MSRA: variants seen among roughly 807,000 people sequenced by gnomAD.
MSRA encodes mitochondrial peptide methionine sulfoxide reductase.
In MSRA, 54 loss-of-function variants were observed where a neutral mutation model predicts 31.3. The observed-to-expected ratio is 1.73, with a 90% CI of 1.39 to 2.17. The LOEUF is 2.17. Among genes scored for constraint, MSRA ranks in the 30% most tolerant of loss-of-function variants. The pLI, the probability that MSRA is intolerant of heterozygous loss-of-function variation, is 0.00. For synonymous variants in MSRA, 169 were observed against 116.5 expected (o/e 1.45, Z -2.90); for missense variants, 507 against 300.9 (o/e 1.69, Z -5.07).
At chr8:10,086,924 A>T (rs1798589160) in intron 1 of MSRA, among the ~76,000 whole-genome samples, 1 of 151,446 alleles carries the variant, frequency 6.6e-6, no homozygotes, top group South Asian at 2.1e-4. Flanking sequence ...GAGGAGAATG[A>T]GAATGAGAAT....
At chr8:10,375,958 G>A (rs1393923287) in intron 5 of MSRA, among the ~76,000 whole-genome samples, 2 of 152,172 alleles carry the variant, frequency 1.3e-5, no homozygotes, top group Non-Finnish European at 2.9e-5. Flanking sequence ...GATGGGGGAG[G>A]AAGGCGTGAT....
chr8:10,088,282 A>G (rs1437170282), intron 1 of MSRA, among the ~76,000 whole-genome samples: 1 of 152,228 alleles, frequency 6.6e-6, no homozygotes, highest in Non-Finnish European at 1.5e-5. Context: ...GAAGGTTCCT[A>G]CAGAAGTTAA....
intron 2 of MSRA, among the ~76,000 whole-genome samples, chr8:10,208,605 G>A (rs985459539): frequency 6.6e-6 from 1 of 151,526 alleles, no homozygotes; most frequent in Non-Finnish European, 1.5e-5. Context: ...CTTCTGTTGG[G>A]CCCATCTCCC....
chr8:10,309,291 C>G (rs2129130737), intron 4 of MSRA, among the ~76,000 whole-genome samples: 1 of 152,382 alleles, frequency 6.6e-6, no homozygotes, highest in African/African-American at 2.4e-5. Context: ...TTTGTGCCTT[C>G]TCAGTGTCGG....
intron 5 of MSRA, among the ~76,000 whole-genome samples, chr8:10,413,675 AGAACTAAGT>A (rs1808291825): frequency 6.6e-6 from 1 of 151,414 alleles, no homozygotes; most frequent in African/African-American, 2.4e-5. Flanking sequence ...AAAAAAAAAA[AGAACTAAGT>A]AGAAATTCAA....
At chr8:10,226,261 C>T (rs967845442) in intron 2 of MSRA, among the ~76,000 whole-genome samples, 1 of 152,230 alleles carries the variant, frequency 6.6e-6, no homozygotes, top group African/African-American at 2.4e-5. Flanking sequence ...AAAGGTTTAA[C>T]TTTCCACTAA....
At chr8:10,309,524 C>T (rs946048743) in intron 4 of MSRA, among the ~76,000 whole-genome samples, 36 of 152,250 alleles carry the variant, frequency 2.4e-4, no homozygotes, top group African/African-American at 7.5e-4. Context: ...GCTTCCTATT[C>T]TTGGTTCACA....
At chr8:10,251,736 C>G (rs908371044) in intron 3 of MSRA, among the ~76,000 whole-genome samples, 1 of 152,112 alleles carries the variant, frequency 6.6e-6, no homozygotes, top group Non-Finnish European at 1.5e-5. Flanking sequence ...TGAATGGACC[C>G]ATTGCCTGAA....
intron 5 of MSRA, among the ~76,000 whole-genome samples, chr8:10,324,354 G>C (rs1802238385): frequency 6.6e-6 from 1 of 152,196 alleles, no homozygotes; most frequent in Admixed American, 6.5e-5. Flanking sequence ...GTGCATTGTA[G>C]AGGGGTGGAG....
At chr8:10,423,574 A>G (rs903630258) in intron 5 of MSRA, among the ~76,000 whole-genome samples, 1 of 152,020 alleles carries the variant, frequency 6.6e-6, no homozygotes, top group African/African-American at 2.4e-5. Flanking sequence ...TTCGTCCCCT[A>G]TCTCCCCCTG....
chr8:10,353,147 C>A (rs1047186519), intron 5 of MSRA, among the ~76,000 whole-genome samples: 1 of 152,184 alleles, frequency 6.6e-6, no homozygotes, highest in African/African-American at 2.4e-5. Context: ...CACACATTCT[C>A]ACTGTGAGAC....
intron 1 of MSRA, among the ~76,000 whole-genome samples, chr8:10,155,223 A>C (rs1288938191): frequency 3.3e-5 from 5 of 152,126 alleles, no homozygotes; most frequent in Non-Finnish European, 7.3e-5. Context: ...TGACATTCTG[A>C]AACTATTTTG....
intron 5 of MSRA, among the ~76,000 whole-genome samples, chr8:10,328,239 C>G (rs1328717463): frequency 2.1e-5 from 3 of 140,158 alleles, no homozygotes; most frequent in Non-Finnish European, 1.5e-5. Flanking sequence ...TTCCTCCTCC[C>G]TCCTCCCTCC....
chr8:10,078,288 T>A (rs1267790727), intron 1 of MSRA, among the ~76,000 whole-genome samples: 1 of 152,228 alleles, frequency 6.6e-6, no homozygotes, highest in Non-Finnish European at 1.5e-5. Context: ...TCGAGTGTAA[T>A]ACCCATGGTA....
intron 1 of MSRA, among the ~76,000 whole-genome samples, chr8:10,136,612 T>C (rs916011118): frequency 3.3e-5 from 5 of 152,236 alleles, no homozygotes; most frequent in Non-Finnish European, 7.3e-5. Flanking sequence ...CATATCTCTT[T>C]TGACACAGTG....
chr8:10,345,058 T>G (rs749060902), intron 5 of MSRA, among the ~76,000 whole-genome samples: 1 of 152,054 alleles, frequency 6.6e-6, no homozygotes, highest in Non-Finnish European at 1.5e-5. Context: ...CTTTCCATGG[T>G]CTTTCCCCCT....
intron 1 of MSRA, among the ~76,000 whole-genome samples, chr8:10,174,422 G>C (rs75785055): frequency 6.6e-6 from 1 of 152,076 alleles, no homozygotes; most frequent in African/African-American, 2.4e-5. Context: ...TTGGTGTCAC[G>C]CAACCATGCT....
chr8:10,182,184 G>A (rs2129050274), intron 1 of MSRA, among the ~76,000 whole-genome samples: 1 of 152,182 alleles, frequency 6.6e-6, no homozygotes, highest in East Asian at 1.9e-4. Context: ...AGCTATGTCA[G>A]GTTTCCTGAT....
At chr8:10,223,252 C>T (rs58766320) in intron 2 of MSRA, among the ~76,000 whole-genome samples, 2,290 of 152,114 alleles carry the variant, frequency 0.015, 68 homozygotes, top group African/African-American at 0.052. Flanking sequence ...TGAAAGTGTG[C>T]ATTGGATCTC....
Sources: gnomAD v4.1 joint callset for allele counts (sites outside exome capture counted in the v4.1 genomes callset) on GRCh38, gnomAD v4.1.1 for gene constraint, MANE v1.5 for transcripts, NCBI Gene and HGNC (gene_info 2026-07-23, HGNC 2026-07-21) for gene names.